Variants in UNC13C observed in about 807,000 individuals in gnomAD.
UNC13C encodes unc-13 homolog C.
A neutral mutation model predicts 245.4 loss-of-function variants in UNC13C; 174 were observed. That is an observed-to-expected ratio of 0.71 (90% confidence interval 0.63 to 0.80). The LOEUF is 0.80. Ranked by LOEUF, UNC13C falls within the 30% of genes least tolerant of loss-of-function variation. The pLI, the probability that UNC13C is intolerant of heterozygous loss-of-function variation, is 0.00. For missense variants in UNC13C, 2,829 were observed against 2,602.9 expected (o/e 1.09, Z -1.89); for synonymous variants, 992 against 895.1 (o/e 1.11, Z -1.93).
intron 30 of UNC13C, among the ~76,000 whole-genome samples, chr15:54,615,820 C>G (rs1293152199): frequency 6.6e-6 from 1 of 152,002 alleles, no homozygotes; most frequent in Non-Finnish European, 1.5e-5. Context: ...CTAACCAATT[C>G]TGTGGATTCC....
chr15:54,630,555 A>G (rs1193812541), downstream of UNC13C: 1 of 152,204 alleles, frequency 6.6e-6, no homozygotes, highest in African/African-American at 2.4e-5. Context: ...ATATCCTTGA[A>G]TAAATGTCTA....
Position 54,622,316 on chromosome 15 carries a change from C to T in UNC13C, c.6107-11C>T. 6.2e-7 allele frequency: 1 copy of T among 1,607,064 alleles called. No homozygotes were observed. The highest frequency in any genetic ancestry group is 2.2e-5 in the East Asian group (1 of 44,808). On this transcript the variant is annotated splice_polypyrimidine_tract_variant and intron_variant, in intron 30 of 32. Transcript: ENST00000260323. Reference sequence around the variant, plus strand: ...GAAAGCTCAGGCCAGTAAGCCTCTGCTTATTTTCAGGTCGTTCCTCCAAAG... The same window carrying T: ...GAAAGCTCAGGCCAGTAAGCCTCTGTTTATTTTCAGGTCGTTCCTCCAAAG...
chr15:53,844,393 G>A, the UNC13C span, among the ~76,000 whole-genome samples: 2 of 152,162 alleles, frequency 1.3e-5, no homozygotes, highest in Admixed American at 6.5e-5. Flanking sequence ...GGTATTGACT[G>A]AGCTCAGTTT....
At chr15:54,470,713 CT>C (rs1892417312) in intron 19 of UNC13C, among the ~76,000 whole-genome samples, 1 of 150,814 alleles carries the variant, frequency 6.6e-6, no homozygotes, top group African/African-American at 2.4e-5. Flanking sequence ...TTTCATTAGT[CT>C]TTTAAATTGC....
chr15:54,602,642 A>G lies in UNC13C; in HGVS notation c.6107-19685A>G, dbSNP rs1237324958. 2.6e-5 allele frequency among the ~76,000 whole-genome samples: 4 copies of G among 152,186 alleles called. No homozygotes were observed. The East Asian group carries it at 5.8e-4, about 22-fold the overall frequency. ...TTTATTGTAACATATAGCACAGAAC[A>G]AAGAGCCACATAGAACAAGTGTAAG... On this transcript the variant is annotated intron_variant, in intron 30 of 32. Transcript: ENST00000260323.
chr15:54,545,714 A>G (rs1896455142), intron 26 of UNC13C, among the ~76,000 whole-genome samples: 1 of 152,164 alleles, frequency 6.6e-6, no homozygotes, highest in South Asian at 2.1e-4. Flanking sequence ...AAAGCTCATT[A>G]TTACTGGTCA....
chr15:53,910,191 C>T, the UNC13C span, among the ~76,000 whole-genome samples: 1 of 145,016 alleles, frequency 6.9e-6, no homozygotes, highest in African/African-American at 2.5e-5. Context: ...CTGAACTCTG[C>T]CAAACATATG....
At chr15:53,946,412 T>G in the UNC13C span, among the ~76,000 whole-genome samples, 2 of 151,718 alleles carry the variant, frequency 1.3e-5, no homozygotes, top group African/African-American at 2.4e-5. Flanking sequence ...TTGAGGCATA[T>G]TCCTCCAATA....
Position 53,978,490 on chromosome 15 carries a change from T to G in UNC13C, c.-694T>G, listed in dbSNP as rs973191147. Among the ~76,000 whole-genome samples the G allele has an allele frequency of 6.6e-6, 1 of 152,084 alleles. No homozygotes were observed. The highest frequency in any genetic ancestry group is 1.5e-5 in the Non-Finnish European group (1 of 68,020). On this transcript the variant is annotated 5_prime_UTR_variant, in exon 1 of 33. Transcript: ENST00000260323. ...GATGTGTGAAGTTCCCAGCACGCAC[T>G]CAGCCCGGCTGCTCCTCACCCTCAA...
chr15:53,974,224 A>G (rs1206208180), upstream of UNC13C, among the ~76,000 whole-genome samples: 1 of 152,210 alleles, frequency 6.6e-6, no homozygotes, highest in Non-Finnish European at 1.5e-5. Flanking sequence ...TTGTTGGAAT[A>G]TATAGTTAGA....
intron 1 of UNC13C, among the ~76,000 whole-genome samples, chr15:53,981,882 G>A (rs1210408323): frequency 6.6e-6 from 1 of 152,078 alleles, no homozygotes; most frequent in Non-Finnish European, 1.5e-5. Flanking sequence ...GATGCAGTAG[G>A]CATAAATGTT....
chr15:54,149,867 A>G (rs148486084), intron 4 of UNC13C, among the ~76,000 whole-genome samples: 1 of 152,180 alleles, frequency 6.6e-6, no homozygotes, highest in African/African-American at 2.4e-5. Context: ...TTAATGTAGC[A>G]TTTACATTGT....
intron 2 of UNC13C, among the ~76,000 whole-genome samples, chr15:54,094,771 G>A (rs772036415): frequency 1.8e-4 from 27 of 152,128 alleles, no homozygotes; most frequent in Non-Finnish European, 3.2e-4. Context: ...CCCCAGTTAA[G>A]GCCTGTGCAG....
the UNC13C span, among the ~76,000 whole-genome samples, chr15:53,845,826 T>C: frequency 5.3e-4 from 81 of 152,302 alleles, no homozygotes; most frequent in African/African-American, 1.9e-3. Context: ...CAGACCCAAT[T>C]GACACTTGCA....
intron 2 of UNC13C, among the ~76,000 whole-genome samples, chr15:54,057,192 C>A (rs1273262641): frequency 2.0e-5 from 3 of 152,186 alleles, no homozygotes; most frequent in African/African-American, 7.2e-5. Flanking sequence ...CAAGACCCAT[C>A]GATGTGCTGT....
chr15:54,424,733 A>C (rs928122972), intron 19 of UNC13C, among the ~76,000 whole-genome samples: 26 of 151,810 alleles, frequency 1.7e-4, no homozygotes, highest in African/African-American at 6.3e-4. Context: ...AGAAAATGGC[A>C]TTTTTAGAAT....
At chr15:54,189,092 A>G (rs2034093048) in intron 4 of UNC13C, among the ~76,000 whole-genome samples, 1 of 152,202 alleles carries the variant, frequency 6.6e-6, no homozygotes, top group Non-Finnish European at 1.5e-5. Context: ...TGCACCAAAA[A>G]TAATAAAATA....
chr15:54,260,631 A>G (rs573700733), intron 8 of UNC13C, among the ~76,000 whole-genome samples: 1 of 148,248 alleles, frequency 6.7e-6, no homozygotes, highest in South Asian at 2.1e-4. Context: ...ACATACACAC[A>G]CCTGTAGTTT....
At chr15:54,130,164 T>C (rs2031321449) in intron 2 of UNC13C, among the ~76,000 whole-genome samples, 1 of 151,978 alleles carries the variant, frequency 6.6e-6, no homozygotes, top group Non-Finnish European at 1.5e-5. Context: ...TGGTTTTCAT[T>C]TTTGTTTTTG....
Sources: allele counts gnomAD v4.1 joint callset (sites outside exome capture counted in the v4.1 genomes callset), GRCh38; gene constraint gnomAD v4.1.1; transcripts MANE v1.5; gene names NCBI Gene and HGNC (gene_info 2026-07-23, HGNC 2026-07-21).